RBMS3: variants seen among roughly 807,000 people sequenced by gnomAD.
The protein encoded by RBMS3 is RNA-binding motif, single-stranded-interacting protein 3.
In RBMS3, 27 loss-of-function variants were observed where a neutral mutation model predicts 66.8. The observed-to-expected ratio is 0.40, with a 90% CI of 0.30 to 0.56. The LOEUF (loss-of-function observed/expected upper bound fraction) is 0.56, where lower values mean the gene tolerates loss of function less well. Among genes scored for constraint, RBMS3 ranks in the 20% least tolerant of loss-of-function variants. The pLI is 0.40. For missense variants in RBMS3, 513 were observed against 549.5 expected (o/e 0.93, Z 0.66); for synonymous variants, 188 against 183.0 (o/e 1.03, Z -0.22).
At chr3:29,442,864 T>C (rs1575826331) in intron 2 of RBMS3, among the ~76,000 whole-genome samples, 1 of 152,286 alleles carries the variant, frequency 6.6e-6, no homozygotes, top group South Asian at 2.1e-4. Flanking sequence ...CTTTTGGAGA[T>C]TATTCTTTCT....
intron 3 of RBMS3, among the ~76,000 whole-genome samples, chr3:29,544,638 T>C (rs773603770): frequency 1.3e-5 from 2 of 151,802 alleles, no homozygotes; most frequent in Non-Finnish European, 2.9e-5. Flanking sequence ...TACCCTCTAA[T>C]TGCTAGGAGT....
chr3:29,558,221 G>A (rs565814078), intron 3 of RBMS3, among the ~76,000 whole-genome samples: 1 of 152,188 alleles, frequency 6.6e-6, no homozygotes, highest in Admixed American at 6.5e-5. Context: ...CAGGACAAGT[G>A]AAGGAGATAC....
intron 6 of RBMS3, among the ~76,000 whole-genome samples, chr3:29,835,459 A>G (rs554220431): frequency 6.6e-6 from 1 of 152,136 alleles, no homozygotes; most frequent in Admixed American, 6.6e-5. Context: ...GTATAAAACT[A>G]GAGATCAATA....
intron 6 of RBMS3, among the ~76,000 whole-genome samples, chr3:29,837,307 C>T (rs561977905): frequency 1.3e-4 from 20 of 151,984 alleles, no homozygotes; most frequent in African/African-American, 4.6e-4. Context: ...TTTCTTAAAA[C>T]CTTATACGTA....
At chr3:29,917,141 A>G (rs1042270983) in intron 10 of RBMS3, among the ~76,000 whole-genome samples, 1 of 152,050 alleles carries the variant, frequency 6.6e-6, no homozygotes, top group Non-Finnish European at 1.5e-5. Flanking sequence ...ACAAAACCAA[A>G]CCAAAAAAAG....
chr3:29,577,410 G>A (rs1005165087), intron 3 of RBMS3, among the ~76,000 whole-genome samples: 1 of 152,134 alleles, frequency 6.6e-6, no homozygotes, highest in Non-Finnish European at 1.5e-5. Context: ...TGCCCCGGCT[G>A]GTGTCTCCCT....
intron 5 of RBMS3, among the ~76,000 whole-genome samples, chr3:29,757,369 G>T (rs1178478907): frequency 1.3e-5 from 2 of 152,206 alleles, no homozygotes; most frequent in African/African-American, 4.8e-5. Context: ...CAATTTTCAT[G>T]TGAAATCTCC....
chr3:29,663,518 G>T (rs1267503149), intron 4 of RBMS3, among the ~76,000 whole-genome samples: 5 of 152,122 alleles, frequency 3.3e-5, no homozygotes, highest in Non-Finnish European at 7.4e-5. Flanking sequence ...CAATTTGATA[G>T]CCTTCTTCCA....
chr3:29,433,085 C>T (rs2041268830), intron 1 of RBMS3, among the ~76,000 whole-genome samples: 1 of 151,398 alleles, frequency 6.6e-6, no homozygotes, highest in East Asian at 1.9e-4. Context: ...AAAAGACATA[C>T]TATTTTCATG....
intron 6 of RBMS3, among the ~76,000 whole-genome samples, chr3:29,776,832 G>A (rs2056444141): frequency 6.6e-6 from 1 of 151,878 alleles, no homozygotes; most frequent in Non-Finnish European, 1.5e-5. Context: ...TGAGCCTTAT[G>A]TACAGCTCAT....
intron 2 of RBMS3, among the ~76,000 whole-genome samples, chr3:29,472,062 GTAGA>G (rs2042747831): frequency 6.6e-6 from 1 of 151,984 alleles, no homozygotes; most frequent in South Asian, 2.1e-4. Flanking sequence ...AAAGTAACAA[GTAGA>G]TAGAAAATTG....
intron 6 of RBMS3, among the ~76,000 whole-genome samples, chr3:29,866,832 C>T (rs2059375324): frequency 6.6e-6 from 1 of 152,184 alleles, no homozygotes; most frequent in African/African-American, 2.4e-5. Context: ...TTCCTGGCTT[C>T]ACCCAAGTCA....
intron 1 of RBMS3, among the ~76,000 whole-genome samples, chr3:29,354,026 G>A (rs2037075928): frequency 6.6e-6 from 1 of 152,018 alleles, no homozygotes; most frequent in African/African-American, 2.4e-5. Context: ...AAAAGTGAAA[G>A]CCTTTCATTT....
Position 29,739,838 on chromosome 3 carries a change from G to C in RBMS3, c.518G>C (p.Arg173Thr). Residue 173 changes from arginine (R) to threonine (T), a missense_variant, in exon 5 of 15, where the codon AGA (arginine) becomes ACA (threonine). Physicochemically the swap from Arg to Thr is moderately conservative, Grantham distance 71 (BLOSUM62 -1). Coordinates refer to ENST00000383767, the MANE Select transcript of RBMS3 (RefSeq NM_001003793.3). ...CATGTCATTTCCACAAGAATACTAA[G>C]AGACGCTAATGGAGTCAGCAGAGGT... The part of the protein sequence containing the change: ...FGHVISTRIL[R>T]DANGVSRGVG... The C allele has an allele frequency of 6.2e-7, 1 of 1,612,396 alleles. No individual in the cohort carries two copies. Among genetic ancestry groups the C allele is most frequent in the Middle Eastern group, 1.7e-4 (1 of 6,054 alleles).
intron 6 of RBMS3, among the ~76,000 whole-genome samples, chr3:29,763,631 G>C (rs1447743684): frequency 2.6e-4 from 40 of 152,044 alleles, no homozygotes; most frequent in Admixed American, 2.6e-3. Flanking sequence ...ACATTATAAA[G>C]TGTTCTAATT....
intron 4 of RBMS3, among the ~76,000 whole-genome samples, chr3:29,656,182 C>T (rs2050321179): frequency 6.6e-6 from 1 of 152,026 alleles, no homozygotes; most frequent in African/African-American, 2.4e-5. Flanking sequence ...CCTAAGTATA[C>T]AGTAGTCTAC....
chr3:29,829,593 G>A (rs2058310218), intron 6 of RBMS3, among the ~76,000 whole-genome samples: 1 of 152,078 alleles, frequency 6.6e-6, no homozygotes, highest in Non-Finnish European at 1.5e-5. Flanking sequence ...GAATGGGGGA[G>A]GAGACAGTGG....
At chr3:29,882,369 C>A (rs755205110) in intron 7 of RBMS3, among the ~76,000 whole-genome samples, 23 of 152,114 alleles carry the variant, frequency 1.5e-4, no homozygotes, top group Non-Finnish European at 2.1e-4. Flanking sequence ...ATTCTCATTT[C>A]TCAGTCCCCC....
At chr3:29,322,855 A>C (rs1166365724) in intron 1 of RBMS3, among the ~76,000 whole-genome samples, 1 of 152,130 alleles carries the variant, frequency 6.6e-6, no homozygotes, top group African/African-American at 2.4e-5. Flanking sequence ...CGTTCAATGA[A>C]TAGTATGGAG....
Sources: allele counts gnomAD v4.1 joint callset (sites outside exome capture counted in the v4.1 genomes callset), GRCh38; gene constraint gnomAD v4.1.1; transcripts MANE v1.5; gene names NCBI Gene and HGNC (gene_info 2026-07-23, HGNC 2026-07-21).